TOM1L2: variants seen among roughly 807,000 people sequenced by gnomAD.
TOM1L2 encodes the protein target of myb1 like 2 membrane trafficking protein.
In TOM1L2, 31 loss-of-function variants were observed where a neutral mutation model predicts 67.9. The ratio of observed to expected loss-of-function variants is 0.46; its 90% CI spans 0.34 to 0.62. The LOEUF (loss-of-function observed/expected upper bound fraction) is 0.62, where lower values mean the gene tolerates loss of function less well. Among genes scored for constraint, TOM1L2 ranks in the 20% least tolerant of loss-of-function variants. The pLI is 0.01. For synonymous variants in TOM1L2, 256 were observed against 254.0 expected, an observed-to-expected ratio of 1.01 and a Z score of -0.07; for missense variants, 606 against 663.5, an observed-to-expected ratio of 0.91 and a Z score of 0.95.
chr17:17,953,695 G>C (rs960491421), intron 1 of TOM1L2, among the ~76,000 whole-genome samples: 1 of 152,230 alleles, frequency 6.6e-6, no homozygotes, highest in African/African-American at 2.4e-5. Context: ...ACACATGAGT[G>C]GGGGGAGCAC....
intron 1 of TOM1L2, among the ~76,000 whole-genome samples, chr17:17,969,024 T>C (rs1357794995): frequency 6.6e-6 from 1 of 151,792 alleles, no homozygotes. Flanking sequence ...CGTAAATCCA[T>C]TGAGGACAGG....
intron 14 of TOM1L2, 138 bp from the exon 15 acceptor site, chr17:17,847,921 T>C: frequency 9.0e-7 from 1 of 1,107,234 alleles, no homozygotes; most frequent in Non-Finnish European, 1.3e-6. Context: ...TAGGGAGGGG[T>C]TCGTGAGCTG....
chr17:17,849,314 C>T (rs1387990992), intron 13 of TOM1L2, among the ~76,000 whole-genome samples: 2 of 152,202 alleles, frequency 1.3e-5, no homozygotes, highest in Non-Finnish European at 2.9e-5. Flanking sequence ...TCTGGGAAGA[C>T]GCTGTTGACA....
chr17:17,934,093 C>T lies in TOM1L2; in HGVS notation c.53-26562G>A, dbSNP rs377509115. On this transcript the variant is annotated intron_variant, in intron 1 of 14. Transcript: ENST00000379504. ...AAGTGGGGGGAAATCAAGACACAAA[C>T]TAGTATATTTTTTATATTTTATATT... is the stretch of plus-strand genomic sequence containing the variant. 9.2e-5 allele frequency among the ~76,000 whole-genome samples: 14 copies of T among 152,222 alleles called. No homozygotes were observed. The South Asian group carries it at 1.0e-3, about 11-fold the overall frequency.
At chr17:17,926,325 C>G (rs147030540) in intron 1 of TOM1L2, among the ~76,000 whole-genome samples, 79 of 152,270 alleles carry the variant, frequency 5.2e-4, no homozygotes, top group African/African-American at 1.9e-3. Context: ...CCAGGCCTCC[C>G]TGCTAACTCT....
rs181717141 is a variant in TOM1L2 at position 17,936,167 on chromosome 17, C to T, written c.53-28636G>A. Among the ~76,000 whole-genome samples the T allele has an allele frequency of 2.4e-3, 363 of 152,354 alleles. 7 individuals are homozygous for T. The South Asian group carries it at 0.029, about 12-fold the overall frequency. On this transcript the variant is annotated intron_variant, in intron 1 of 14. Transcript: ENST00000379504. ...TCCCTTCGGCCTCTGGCCTTAGCTC[C>T]CCCAGGCGTGTGCCCTTCAGCAGCT...
At chr17:17,848,949 C>G in intron 13 of TOM1L2, 90 bp from the exon 14 acceptor site, 1 of 1,318,498 alleles carries the variant, frequency 7.6e-7, no homozygotes, top group Non-Finnish European at 1.1e-6. Context: ...CACCCTAGGA[C>G]AGCACTGCCC....
At chr17:17,940,803 C>T (rs1378603676) in intron 1 of TOM1L2, among the ~76,000 whole-genome samples, 1 of 152,186 alleles carries the variant, frequency 6.6e-6, no homozygotes, top group Non-Finnish European at 1.5e-5. Flanking sequence ...TTCTGGATTA[C>T]AGCCCAAAGC....
At chr17:17,896,209 C>T (rs1220635831) in intron 3 of TOM1L2, among the ~76,000 whole-genome samples, 1 of 152,100 alleles carries the variant, frequency 6.6e-6, no homozygotes, top group Non-Finnish European at 1.5e-5. Context: ...AGGCACCCTT[C>T]TCTCTAGGAT....
At chr17:17,867,080 C>G (rs1338153931) in intron 8 of TOM1L2, among the ~76,000 whole-genome samples, 156 bp from the exon 9 acceptor site, 2 of 152,152 alleles carry the variant, frequency 1.3e-5, no homozygotes, top group Admixed American at 6.5e-5. Flanking sequence ...TCTGCCACGG[C>G]TTCCTCTGTG....
intron 4 of TOM1L2, among the ~76,000 whole-genome samples, chr17:17,886,102 T>C (rs1204956820): frequency 1.3e-5 from 2 of 152,136 alleles, no homozygotes; most frequent in East Asian, 3.8e-4. Context: ...AAGTCTGTCA[T>C]TGTCACAGAA....
At chr17:17,921,848 A>T (rs1286973594) in intron 1 of TOM1L2, among the ~76,000 whole-genome samples, 1 of 152,120 alleles carries the variant, frequency 6.6e-6, no homozygotes, top group Non-Finnish European at 1.5e-5. Flanking sequence ...AGCGCCTCCC[A>T]GGGGCTGTTC....
At chr17:17,864,973 C>T (rs1011589931) in intron 10 of TOM1L2, among the ~76,000 whole-genome samples, 6 of 151,912 alleles carry the variant, frequency 3.9e-5, no homozygotes, top group South Asian at 2.1e-4. Context: ...GGAAAGTAGA[C>T]GAGAAATATT....
chr17:17,960,827 A>C (rs1257012592), intron 1 of TOM1L2, among the ~76,000 whole-genome samples: 1 of 152,236 alleles, frequency 6.6e-6, no homozygotes, highest in East Asian at 1.9e-4. Context: ...AAGGAGAGAC[A>C]TTCTGACTGC....
At position 17,898,716 on chromosome 17, in the gene TOM1L2, C is replaced by A. The variant is rs763499038; in HGVS notation, c.138-42G>T. 9 of 1,597,566 alleles carry A rather than the reference C, an allele frequency of 5.6e-6. No individual in the cohort carries two copies. In the African/African-American group the frequency reaches 8.0e-5, roughly 14 times the overall value. On this transcript the variant is annotated intron_variant, in intron 2 of 14. Transcript: ENST00000379504. ...ACATATAAAGATACTTACAATCCCA[C>A]TTGAGGACACGATCCTACAGATATG... is the stretch of plus-strand genomic sequence containing the variant.
intron 4 of TOM1L2, among the ~76,000 whole-genome samples, chr17:17,885,924 C>CA (rs35579807): frequency 0.46 from 30,257 of 65,692 alleles, 7,339 homozygotes; most frequent in Non-Finnish European, 0.59. Context: ...GACTCCGTCT[C>CA]AAAAAAAAAA....
chr17:17,889,529 G>A (rs1052250270), intron 4 of TOM1L2, among the ~76,000 whole-genome samples: 3 of 152,294 alleles, frequency 2.0e-5, no homozygotes, highest in Admixed American at 6.5e-5. Flanking sequence ...CAAAGGGGCA[G>A]TGGGCTTTGG....
rs1442094533 is a variant in TOM1L2 at position 17,882,785 on chromosome 17, A to T, written c.580T>A (p.Ser194Thr). Residue 194 changes from serine (S) to threonine (T), a missense_variant, in exon 6 of 15, where the codon TCG becomes ACG. By Grantham distance (58) the Ser-to-Thr change is moderately conservative (BLOSUM62 1). Transcript: ENST00000379504. ...QQRTSAGSYS[S>T]PPPAPYSAPQ... is the part of the protein sequence containing the mutation. ...GCGGAGTAGGGAGCAGGAGGCGGCG[A>T]GGAATAGGAACCAGCACTTGTCCTC... is the stretch of plus-strand genomic sequence containing the variant. The T allele has an allele frequency of 6.2e-7, 1 of 1,614,200 alleles. No homozygotes were observed. The highest frequency in any genetic ancestry group is 8.5e-7 in the Non-Finnish European group (1 of 1,180,036).
intron 4 of TOM1L2, among the ~76,000 whole-genome samples, chr17:17,886,749 G>A (rs1424286504): frequency 6.6e-6 from 1 of 152,256 alleles, no homozygotes; most frequent in East Asian, 1.9e-4. Context: ...AAAGATGAAA[G>A]AACTATGGCT....
Sources: allele counts gnomAD v4.1 joint callset (sites outside exome capture counted in the v4.1 genomes callset), GRCh38; gene constraint gnomAD v4.1.1; transcripts MANE v1.5; gene names NCBI Gene and HGNC (gene_info 2026-07-23, HGNC 2026-07-21).